Variants in IGFBP2 observed in about 807,000 individuals in gnomAD.
The protein encoded by IGFBP2 is insulin-like growth factor-binding protein 2.
In IGFBP2, 12 loss-of-function variants were observed where a neutral mutation model predicts 26.2. That is an observed-to-expected ratio of 0.46 (90% CI 0.29 to 0.74). The LOEUF is 0.74. Ranked by LOEUF, IGFBP2 falls within the 30% of genes least tolerant of loss-of-function variation. IGFBP2 has a pLI of 0.09. For synonymous variants in IGFBP2, 189 were observed against 200.6 expected (o/e 0.94, Z 0.49); for missense variants, 328 against 441.2 (o/e 0.74, Z 2.30).
chr2:216,651,284 T>C (rs9341164), intron 1 of IGFBP2, among the ~76,000 whole-genome samples: 19,974 of 152,182 alleles, frequency 0.13, 2,195 homozygotes, highest in African/African-American at 0.29. Context: ...GTTGGTGGGC[T>C]GTGCTATTGA....
At chr2:216,657,374 T>C (rs1697939285) in intron 1 of IGFBP2, among the ~76,000 whole-genome samples, 1 of 152,204 alleles carries the variant, frequency 6.6e-6, no homozygotes, top group Non-Finnish European at 1.5e-5. Flanking sequence ...CTCTTCTGTT[T>C]GTTGTCCAGG....
Position 216,660,701 on chromosome 2 carries a change from C to T in IGFBP2, c.587C>T (p.Thr196Ile). 1 of 1,614,010 alleles carries T rather than the reference C, an allele frequency of 6.2e-7. No homozygotes were observed. The highest frequency in any genetic ancestry group is 8.5e-7 in the Non-Finnish European group (1 of 1,179,998). ...KELAVFREKV[T>I]EQHRQMGKGG... ...CTGGCCGTGTTCCGGGAGAAGGTCA[C>T]TGAGCAGCACCGGCAGATGGGCAAG... is the stretch of plus-strand genomic sequence containing the variant. Residue 196 changes from threonine to isoleucine, a missense_variant, in exon 2 of 4, where the codon ACT becomes ATT. Physicochemically the swap from Thr to Ile is moderately conservative, Grantham distance 89. Coordinates refer to ENST00000233809, the MANE Select transcript of IGFBP2 (RefSeq NM_000597.3).
At chr2:216,638,419 C>T (rs1360207005) in intron 1 of IGFBP2, among the ~76,000 whole-genome samples, 2 of 151,420 alleles carry the variant, frequency 1.3e-5, no homozygotes, top group African/African-American at 4.9e-5. Flanking sequence ...GTAGGAGAAT[C>T]GCTTGAACCT....
In IGFBP2 at chr2:216,647,262, A is replaced by G. The variant is rs988787629; in HGVS notation, c.443-13295A>G. 5.1e-4 allele frequency among the ~76,000 whole-genome samples: 77 copies of G among 152,270 alleles called. 1 individual carries two copies. The highest frequency in any genetic ancestry group is 7.4e-4 in the Non-Finnish European group (50 of 68,010). ...AAAAAAGCAGTGTCTTCCTTCCTAA[A>G]ATGTTAATTGAGGACACAGAATGTC... On this transcript the variant is annotated intron_variant, in intron 1 of 3. Transcript: ENST00000233809.
intron 1 of IGFBP2, among the ~76,000 whole-genome samples, chr2:216,650,886 G>A (rs912422448): frequency 3.9e-5 from 6 of 152,142 alleles, no homozygotes; most frequent in Non-Finnish European, 5.9e-5. Flanking sequence ...TGGCTCCCTT[G>A]CAGGAAGGAA....
At chr2:216,661,565 A>C (rs1250407447) in intron 2 of IGFBP2, 2 of 491,744 alleles carry the variant, frequency 4.1e-6, no homozygotes, top group African/African-American at 3.9e-5. Context: ...GGCCACTTAG[A>C]TGGATATTTG....
chr2:216,636,604 A>G (rs1451455488), intron 1 of IGFBP2, among the ~76,000 whole-genome samples: 3 of 152,084 alleles, frequency 2.0e-5, no homozygotes, highest in Non-Finnish European at 2.9e-5. Context: ...AAAAACCGAA[A>G]GGAGACCCTG....
chr2:216,647,862 C>T (rs1381029767), intron 1 of IGFBP2, among the ~76,000 whole-genome samples: 4 of 152,148 alleles, frequency 2.6e-5, no homozygotes, highest in African/African-American at 9.7e-5. Context: ...GCTCTGTCAC[C>T]TAGGCTGGAA....
chr2:216,659,726 C>G (rs1050546378), intron 1 of IGFBP2: 12 of 1,535,590 alleles, frequency 7.8e-6, no homozygotes, highest in Non-Finnish European at 9.6e-6. Flanking sequence ...GGACAGACAT[C>G]ACGAAGCTTC....
At chr2:216,643,905 T>C (rs1451742713) in intron 1 of IGFBP2, among the ~76,000 whole-genome samples, 2 of 152,100 alleles carry the variant, frequency 1.3e-5, no homozygotes, top group Non-Finnish European at 2.9e-5. Flanking sequence ...CCCTCCACAC[T>C]CACAAAGAGC....
At chr2:216,638,968 G>C (rs1316234450) in intron 1 of IGFBP2, among the ~76,000 whole-genome samples, 2 of 150,254 alleles carry the variant, frequency 1.3e-5, no homozygotes, top group Non-Finnish European at 3.0e-5. Context: ...CCAAAGTGCT[G>C]GGGATTACAG....
At chr2:216,638,636 G>A (rs1162314171) in intron 1 of IGFBP2, among the ~76,000 whole-genome samples, 1 of 152,226 alleles carries the variant, frequency 6.6e-6, no homozygotes, top group African/African-American at 2.4e-5. Context: ...CAGTCATCAG[G>A]TGGCTTCCAG....
At position 216,664,136 on chromosome 2, in the gene IGFBP2, C is replaced by T. The variant is rs755406112; in HGVS notation, c.*32C>T. 1.3e-6 allele frequency: 2 copies of T among 1,509,462 alleles called. No homozygotes were observed. Among genetic ancestry groups the T allele is most frequent in the Non-Finnish European group, 1.8e-6 (2 of 1,123,190 alleles). 93.5% of individuals were successfully genotyped at this position (1,509,462 alleles called of 1,614,324 possible). A position where few individuals can be genotyped will look rare whatever the true frequency, so the allele number is the denominator to read the frequency against. On this transcript the variant is annotated 3_prime_UTR_variant, in exon 4 of 4. Transcript: ENST00000233809. The surrounding 1 kb of genome is among the most constrained non-coding windows in gnomAD (Gnocchi z 4.6). Reference sequence around the variant, plus strand: ...GCCAGCCGGTGCCTGGCGCCCCTGCCCCCCGCCCCTCTCCAAACACCGGCA... The same window carrying T: ...GCCAGCCGGTGCCTGGCGCCCCTGCTCCCCGCCCCTCTCCAAACACCGGCA...
chr2:216,662,681 T>G (rs1688681455), intron 3 of IGFBP2: 1 of 149,542 alleles, frequency 6.7e-6, no homozygotes, highest in African/African-American at 2.4e-5. Flanking sequence ...AACATACTTT[T>G]TTTTTTTTTT....
chr2:216,645,297 ATGAC>A (rs1697689511), intron 1 of IGFBP2, among the ~76,000 whole-genome samples: 1 of 152,202 alleles, frequency 6.6e-6, no homozygotes, highest in Non-Finnish European at 1.5e-5. Context: ...GGCTGCTGAC[ATGAC>A]TGATAGCCTA....
chr2:216,642,063 G>C (rs1016885173), intron 1 of IGFBP2, among the ~76,000 whole-genome samples: 1 of 147,790 alleles, frequency 6.8e-6, no homozygotes, highest in African/African-American at 2.5e-5. Context: ...TCAGTGGCAC[G>C]ATCTCGGCTC....
rs544016821 is a variant in IGFBP2, at chr2:216,639,561, T to TG, written c.442+5597dup. On this transcript the variant is annotated intron_variant, in intron 1 of 3. Transcript: ENST00000233809. ...GTACCCAAAAGAAAAGAAAAAAGCTTGTTTTTTTTTTGTTTGTTTTTTTGT... is the reference window on the plus strand; with the variant it reads ...GTACCCAAAAGAAAAGAAAAAAGCTTGGTTTTTTTTTTGTTTGTTTTTTTGT... 3.4e-3 allele frequency among the ~76,000 whole-genome samples: 353 copies of TG among 102,436 alleles called. 2 individuals carry two copies. Among genetic ancestry groups the TG allele is most frequent in the Admixed American group, 7.0e-3 (72 of 10,226 alleles). 67.2% of individuals were successfully genotyped at this position (102,436 alleles called of 152,430 possible).
At chr2:216,653,832 T>C (rs1050432521) in intron 1 of IGFBP2, among the ~76,000 whole-genome samples, 1 of 152,200 alleles carries the variant, frequency 6.6e-6, no homozygotes, top group Non-Finnish European at 1.5e-5. Context: ...TGCTTCTGTG[T>C]TGACCCATTT....
intron 1 of IGFBP2, among the ~76,000 whole-genome samples, chr2:216,640,459 C>T (rs1428626797): frequency 2.0e-5 from 3 of 152,224 alleles, no homozygotes; most frequent in Non-Finnish European, 2.9e-5. Flanking sequence ...CTCTGCTTAT[C>T]CTGTCTCTGG....
Sources: allele counts gnomAD v4.1 joint callset (sites outside exome capture counted in the v4.1 genomes callset), GRCh38; gene constraint gnomAD v4.1.1; non-coding constraint Gnocchi (gnomAD v3.1); transcripts MANE v1.5; gene names NCBI Gene and HGNC (gene_info 2026-07-23, HGNC 2026-07-21).